MECOM: variants seen among roughly 807,000 people sequenced by gnomAD.
MECOM encodes MDS1 and EVI1 complex locus.
Under a neutral mutation model 116.3 loss-of-function variants are expected in MECOM, and 13 were observed. The observed-to-expected ratio is 0.11, with a 90% CI of 0.07 to 0.18. The LOEUF is 0.18. MECOM is among the 10% of genes least tolerant of loss of function. The probability of loss-of-function intolerance (pLI) is 1.00; values close to 1 mark genes in which losing one functional copy is unlikely to be tolerated. For missense variants in MECOM, 1,299 were observed against 1,509.0 expected (o/e 0.86, Z 2.31); for synonymous variants, 528 against 535.2 (o/e 0.99, Z 0.19).
chr3:169,616,212 G>T (rs769888270), intron 1 of MECOM, among the ~76,000 whole-genome samples: 7 of 152,212 alleles, frequency 4.6e-5, no homozygotes, highest in African/African-American at 9.7e-5. Context: ...TGCAAAGGAG[G>T]CATGGAGGCA....
At chr3:169,373,694 T>C (rs1175344051) in intron 2 of MECOM, among the ~76,000 whole-genome samples, 2 of 151,932 alleles carry the variant, frequency 1.3e-5, no homozygotes, top group African/African-American at 2.4e-5. Flanking sequence ...TATTGACCCA[T>C]TGACCAAATA....
At chr3:169,558,433 C>T (rs764148831) in intron 1 of MECOM, among the ~76,000 whole-genome samples, 13 of 152,176 alleles carry the variant, frequency 8.5e-5, no homozygotes, top group Admixed American at 2.6e-4. Context: ...CATTCTCTTT[C>T]GGACCCCAAG....
intron 2 of MECOM, among the ~76,000 whole-genome samples, chr3:169,201,612 G>T (rs1749167074): frequency 6.6e-6 from 1 of 152,006 alleles, no homozygotes; most frequent in African/African-American, 2.4e-5. Context: ...CATTTCCATA[G>T]TAAATATATT....
At chr3:169,639,691 G>T (rs940162420) in intron 1 of MECOM, among the ~76,000 whole-genome samples, 1 of 152,078 alleles carries the variant, frequency 6.6e-6, no homozygotes, top group East Asian at 1.9e-4. Context: ...ATAGGGAAAA[G>T]GAATAAATTA....
At chr3:169,236,459 C>A (rs1488114) in intron 2 of MECOM, among the ~76,000 whole-genome samples, 139,350 of 152,252 alleles carry the variant, frequency 0.92, 63,832 homozygotes, top group Middle Eastern at 0.95. Context: ...TAAGGGGAGA[C>A]ATAAAACCAG....
intron 1 of MECOM, among the ~76,000 whole-genome samples, chr3:169,544,485 G>A (rs750939463): frequency 2.0e-5 from 3 of 152,202 alleles, no homozygotes; most frequent in African/African-American, 4.8e-5. Flanking sequence ...CACCAATGGT[G>A]TAAACGTGTT....
chr3:169,324,726 A>T (rs879442626), intron 2 of MECOM, among the ~76,000 whole-genome samples: 14 of 152,314 alleles, frequency 9.2e-5, no homozygotes, highest in South Asian at 2.1e-4. Context: ...CTTAGAACCA[A>T]CTTTCCTCCT....
At chr3:169,190,421 G>T (rs985634656) in intron 2 of MECOM, among the ~76,000 whole-genome samples, 5 of 151,944 alleles carry the variant, frequency 3.3e-5, no homozygotes, top group Non-Finnish European at 7.4e-5. Flanking sequence ...ATCTATATCA[G>T]ATGATAAAGG....
chr3:169,120,960 AC>A, intron 7 of MECOM, 95 bp downstream of exon 7: 1 of 1,286,758 alleles, frequency 7.8e-7, no homozygotes, highest in Non-Finnish European at 1.1e-6. Flanking sequence ...TAACACGGTG[AC>A]CCTCTAAAGG....
At chr3:169,612,182 C>T (rs546507167) in intron 1 of MECOM, among the ~76,000 whole-genome samples, 4 of 152,178 alleles carry the variant, frequency 2.6e-5, no homozygotes, top group East Asian at 1.9e-4. Flanking sequence ...ACATATTAGT[C>T]GATATTTGGT....
intron 1 of MECOM, among the ~76,000 whole-genome samples, chr3:169,657,416 G>T (rs1192322644): frequency 6.6e-6 from 1 of 152,182 alleles, no homozygotes; most frequent in Non-Finnish European, 1.5e-5. Context: ...AAATCAACTT[G>T]CAAGGCCAAT....
chr3:169,375,642 C>A (rs907910249), intron 2 of MECOM, among the ~76,000 whole-genome samples: 4 of 152,074 alleles, frequency 2.6e-5, no homozygotes, highest in Non-Finnish European at 5.9e-5. Flanking sequence ...GAAGTCAAAT[C>A]CCTGAATACA....
At chr3:169,549,497 C>T (rs1761115524) in intron 1 of MECOM, among the ~76,000 whole-genome samples, 1 of 152,094 alleles carries the variant, frequency 6.6e-6, no homozygotes, top group Non-Finnish European at 1.5e-5. Context: ...CAAGCTTTGC[C>T]TATGCCAGTT....
intron 1 of MECOM, among the ~76,000 whole-genome samples, chr3:169,498,734 T>C (rs1754145396): frequency 6.6e-6 from 1 of 152,150 alleles, no homozygotes; most frequent in South Asian, 2.1e-4. Flanking sequence ...ATCAGCACTG[T>C]AAAGGTAATT....
At chr3:169,528,537 TA>T (rs1353889173) in intron 1 of MECOM, among the ~76,000 whole-genome samples, 1 of 152,232 alleles carries the variant, frequency 6.6e-6, no homozygotes, top group Non-Finnish European at 1.5e-5. Context: ...CAAAACATAA[TA>T]TTTTTTTAAA....
rs923488692 is a variant in MECOM at position 169,529,410 on chromosome 3, T to C, written c.37+133926A>G. Among the ~76,000 whole-genome samples the C allele has an allele frequency of 7.2e-5, 11 of 152,180 alleles. 1 individual carries two copies. The highest frequency in any genetic ancestry group is 1.9e-4 in the East Asian group (1 of 5,192). On this transcript the variant is annotated intron_variant, in intron 1 of 16. Coordinates refer to ENST00000651503, the MANE Select transcript of MECOM (RefSeq NM_004991.4). ...CCAGAGCAAACTGCATCCATGAAAA[T>C]AGCTTGATGGTATCTCCACATTTGA...
chr3:169,559,299 C>T (rs1762388378), intron 1 of MECOM, among the ~76,000 whole-genome samples: 1 of 152,270 alleles, frequency 6.6e-6, no homozygotes, highest in East Asian at 1.9e-4. Context: ...TATAAATGAA[C>T]TAGTGGGCTC....
intron 2 of MECOM, among the ~76,000 whole-genome samples, chr3:169,282,081 C>T (rs750288394): frequency 2.0e-5 from 3 of 152,140 alleles, no homozygotes; most frequent in Non-Finnish European, 4.4e-5. Context: ...CTTACCATTA[C>T]CATATTTTTT....
At chr3:169,175,652 G>C (rs187222677) in intron 2 of MECOM, among the ~76,000 whole-genome samples, 2 of 152,300 alleles carry the variant, frequency 1.3e-5, no homozygotes, top group Admixed American at 1.3e-4. Context: ...CCCAGCAGCA[G>C]AATCTGATTT....
Sources: allele counts gnomAD v4.1 joint callset (sites outside exome capture counted in the v4.1 genomes callset), GRCh38; gene constraint gnomAD v4.1.1; transcripts MANE v1.5; gene names NCBI Gene and HGNC (gene_info 2026-07-23, HGNC 2026-07-21).